The following HDAC9 variants were observed in gnomAD, a reference collection of about 807,000 sequenced individuals.
The protein encoded by HDAC9 is histone deacetylase 9, also known as MEF-2 interacting transcription repressor (MITR) protein.
HDAC9 carries 41 observed loss-of-function variants against 139.4 expected under a neutral mutation model. The observed-to-expected ratio is 0.29, with a 90% confidence interval of 0.23 to 0.38. The LOEUF is 0.38. Among genes scored for constraint, HDAC9 ranks in the 10% least tolerant of loss-of-function variants. HDAC9 has a pLI of 1.00. For synonymous variants in HDAC9, 517 were observed against 476.2 expected, an observed-to-expected ratio of 1.09 and a Z score of -1.12; for missense variants, 1,147 against 1,297.0, an observed-to-expected ratio of 0.88 and a Z score of 1.78.
At chr7:18,583,095 A>G (rs1026743133) in intron 2 of HDAC9, among the ~76,000 whole-genome samples, 2 of 152,126 alleles carry the variant, frequency 1.3e-5, no homozygotes, top group Non-Finnish European at 2.9e-5. Context: ...TTTAGTAGAA[A>G]TTGTGTGCCA....
chr7:18,804,478 G>A (rs200827001), intron 17 of HDAC9, among the ~76,000 whole-genome samples: 46 of 152,242 alleles, frequency 3.0e-4, no homozygotes, highest in African/African-American at 9.9e-4. Context: ...GGATAGCAAC[G>A]GTGGTAAGTG....
chr7:18,739,270 G>A (rs1053450299), intron 13 of HDAC9, among the ~76,000 whole-genome samples: 2 of 152,176 alleles, frequency 1.3e-5, no homozygotes, highest in Non-Finnish European at 2.9e-5. Flanking sequence ...TTGTCAACTT[G>A]ACAAATCATT....
At chr7:18,186,763 A>C (rs932338784) in intron 2 of HDAC9, among the ~76,000 whole-genome samples, 2 of 152,254 alleles carry the variant, frequency 1.3e-5, no homozygotes, top group Non-Finnish European at 2.9e-5. Flanking sequence ...TTCAAAGGAC[A>C]GATGATCAAA....
intron 17 of HDAC9, among the ~76,000 whole-genome samples, chr7:18,797,405 T>G (rs1439311801): frequency 6.6e-6 from 1 of 152,162 alleles, no homozygotes; most frequent in Non-Finnish European, 1.5e-5. Flanking sequence ...CAAAATATAA[T>G]AATAAAATAA....
At chr7:18,440,043 G>A (rs1791603135) in intron 1 of HDAC9, among the ~76,000 whole-genome samples, 1 of 152,030 alleles carries the variant, frequency 6.6e-6, no homozygotes, top group Non-Finnish European at 1.5e-5. Flanking sequence ...CATTATCAAG[G>A]AAGTTATTCA....
At chr7:18,595,266 T>A (rs1832144432) in intron 6 of HDAC9, among the ~76,000 whole-genome samples, 1 of 152,082 alleles carries the variant, frequency 6.6e-6, no homozygotes, top group African/African-American at 2.4e-5. Context: ...ATAAAATACC[T>A]TAATAGAAGG....
At chr7:18,485,612 C>A (rs948210943) in intron 1 of HDAC9, among the ~76,000 whole-genome samples, 1 of 151,528 alleles carries the variant, frequency 6.6e-6, no homozygotes, top group Non-Finnish European at 1.5e-5. Flanking sequence ...TCATTTAGTT[C>A]TAATTTATGT....
intron 2 of HDAC9, among the ~76,000 whole-genome samples, chr7:18,236,257 C>T (rs965969171): frequency 6.6e-6 from 1 of 152,096 alleles, no homozygotes; most frequent in African/African-American, 2.4e-5. Context: ...CCACCTCAGA[C>T]CTGCACACAC....
At chr7:18,133,331 C>T (rs748440794) in intron 1 of HDAC9, among the ~76,000 whole-genome samples, 1 of 152,052 alleles carries the variant, frequency 6.6e-6, no homozygotes, top group Non-Finnish European at 1.5e-5. Flanking sequence ...CCTCTTATCA[C>T]CCTCTTAAGA....
chr7:18,751,117 A>G (rs1788407866), intron 14 of HDAC9, among the ~76,000 whole-genome samples: 1 of 152,140 alleles, frequency 6.6e-6, no homozygotes. Context: ...TTTTCTGGTT[A>G]GTCTTCTTTT....
chr7:18,374,878 G>A (rs1014831821), intron 1 of HDAC9, among the ~76,000 whole-genome samples: 2 of 152,038 alleles, frequency 1.3e-5, no homozygotes, highest in African/African-American at 4.8e-5. Flanking sequence ...CTATTGCCTG[G>A]TGCTATTAAG....
intron 2 of HDAC9, among the ~76,000 whole-genome samples, chr7:18,542,637 C>T (rs993649307): frequency 6.6e-6 from 1 of 152,086 alleles, no homozygotes; most frequent in Non-Finnish European, 1.5e-5. Context: ...AAAATAACAT[C>T]ATGATATATA....
intron 12 of HDAC9, among the ~76,000 whole-genome samples, chr7:18,710,678 ATAC>A (rs1451773395): frequency 1.4e-4 from 21 of 152,344 alleles, no homozygotes; most frequent in Admixed American, 9.8e-4. Flanking sequence ...GTTGGCATTC[ATAC>A]CTAGGAGTTG....
intron 14 of HDAC9, among the ~76,000 whole-genome samples, chr7:18,756,594 C>T (rs961486392): frequency 2.6e-5 from 4 of 152,148 alleles, no homozygotes; most frequent in South Asian, 2.1e-4. Context: ...ATTTCTATTG[C>T]GTGTAAGGTT....
intron 1 of HDAC9, among the ~76,000 whole-genome samples, chr7:18,481,661 A>G (rs1361280013): frequency 6.6e-6 from 1 of 152,216 alleles, no homozygotes; most frequent in Non-Finnish European, 1.5e-5. Flanking sequence ...AAATGATGTA[A>G]TGTGAGTTAA....
At chr7:18,709,024 G>A (rs180864545) in intron 12 of HDAC9, among the ~76,000 whole-genome samples, 6 of 150,466 alleles carry the variant, frequency 4.0e-5, no homozygotes, top group East Asian at 1.9e-4. Context: ...TAACATAAAC[G>A]TTAACAACAG....
At chr7:18,203,014 A>T (rs1276791662) in intron 2 of HDAC9, among the ~76,000 whole-genome samples, 1 of 152,236 alleles carries the variant, frequency 6.6e-6, no homozygotes, top group Non-Finnish European at 1.5e-5. Context: ...GTGTCTGAAC[A>T]TTATATATGC....
rs151336729 is a variant in HDAC9, at chr7:18,732,470, G to GCATA, written c.1909+4713_1909+4714insCATA. ...AGTATGTGTGTATATTTGTATGTGT[G>GCATA]TATATACAGTGTATATATGTGTATA... On this transcript the variant is annotated intron_variant, in intron 13 of 25. Coordinates refer to ENST00000686413, the MANE Select transcript of HDAC9 (RefSeq NM_178425.4). Among the ~76,000 whole-genome samples, 8 of 149,338 alleles carry GCATA rather than the reference G, an allele frequency of 5.4e-5. No individual in the cohort carries two copies. The East Asian group carries it at 1.6e-3, about 30-fold the overall frequency.
chr7:18,559,972 A>T (rs1343765135), intron 2 of HDAC9, among the ~76,000 whole-genome samples: 1 of 152,216 alleles, frequency 6.6e-6, no homozygotes, highest in Non-Finnish European at 1.5e-5. Flanking sequence ...CATTCACTTG[A>T]ATAGATAATA....
Sources: gnomAD v4.1 joint callset for allele counts (sites outside exome capture counted in the v4.1 genomes callset) on GRCh38, gnomAD v4.1.1 for gene constraint, MANE v1.5 for transcripts, NCBI Gene and HGNC (gene_info 2026-07-23, HGNC 2026-07-21) for gene names.